INPPL1: variants seen among roughly 807,000 people sequenced by gnomAD.
INPPL1 encodes phosphatidylinositol 3,4,5-trisphosphate 5-phosphatase 2.
A neutral mutation model predicts 139.3 loss-of-function variants in INPPL1; 91 were observed. The ratio of observed to expected loss-of-function variants is 0.65; its 90% CI spans 0.55 to 0.78. The LOEUF is 0.78. INPPL1 is among the 30% of genes least tolerant of loss of function. The pLI, the probability that INPPL1 is intolerant of heterozygous loss-of-function variation, is 0.00. For missense variants in INPPL1, 1,411 were observed against 1,665.6 expected (o/e 0.85, Z 2.66); for synonymous variants, 719 against 686.6 (o/e 1.05, Z -0.74).
chr11:72,229,347 T>G, intron 5 of INPPL1, 117 bp downstream of exon 5: 1 of 1,412,216 alleles, frequency 7.1e-7, no homozygotes, highest in Admixed American at 1.8e-5. Context: ...AGCCATTGCC[T>G]CTTGACTTTC....
At chr11:72,224,251 C>G (rs550124250), upstream of INPPL1, among the ~76,000 whole-genome samples, 1 of 147,640 alleles carries the variant, frequency 6.8e-6, no homozygotes, top group Admixed American at 6.8e-5. Context: ...GGACGGTTCC[C>G]GTGGAGTTGG....
Position 72,233,431 on chromosome 11 carries a change from C to G in INPPL1, c.2041-10C>G, listed in dbSNP as rs1304186675. The G allele has an allele frequency of 6.2e-7, 1 of 1,613,592 alleles. No individual in the cohort carries two copies. The highest frequency in any genetic ancestry group is 8.5e-7 in the Non-Finnish European group (1 of 1,179,588). Reference sequence around the variant, plus strand: ...GTCAGCTCTAACCATGCTGCCATCCCCTGCCCCAGGTCCGGACCAATGTGC... The same window carrying G: ...GTCAGCTCTAACCATGCTGCCATCCGCTGCCCCAGGTCCGGACCAATGTGC... On this transcript the variant is annotated splice_polypyrimidine_tract_variant and intron_variant, in intron 17 of 27. Coordinates refer to ENST00000298229, the MANE Select transcript of INPPL1 (RefSeq NM_001567.4).
rs749994128 is a variant in INPPL1, at chr11:72,232,711, A to T, written c.1798A>T (p.Thr600Ser). Residue 600 changes from threonine to serine, a missense_variant, in exon 15 of 28, where the codon ACA becomes TCA. By Grantham distance (58) the Thr-to-Ser change is moderately conservative. Around this residue, in one of 5 missense-constraint regions of INPPL1, gnomAD observed 363 missense variants for 446.2 expected, o/e 0.81. Coordinates refer to ENST00000298229, the MANE Select transcript of INPPL1 (RefSeq NM_001567.4). ...LNAFDISLRF[T>S]HLFWFGDLNY... ...TGCCTTTGACATCTCTCTGCGTTTCACACACCTCTTCTGGTTTGGGGACCT... is the reference window on the plus strand; with the variant it reads ...TGCCTTTGACATCTCTCTGCGTTTCTCACACCTCTTCTGGTTTGGGGACCT... 6.2e-7 allele frequency: 1 copy of T among 1,613,288 alleles called. No homozygotes were observed. Among genetic ancestry groups the T allele is most frequent in the South Asian group, 1.1e-5 (1 of 91,020 alleles).
At position 72,228,412 on chromosome 11, in the gene INPPL1, A is replaced by AG; in HGVS notation, c.312dup (p.Pro105AlafsTer16). The stretch of plus-strand genomic sequence containing the variant: ...GGTGAGCTCATCGGCCTGTACGCCC[A>AG]GCCCAACCAGGGCCTTGTGTGCGCC... On this transcript the variant is annotated frameshift_variant, in exon 3 of 28. Transcript: ENST00000298229. LOFTEE classifies it high-confidence loss of function. This position sits in a 1 kb window ranked among gnomAD's most constrained non-coding sequence, Gnocchi z 5.0. 6.2e-7 allele frequency: 1 copy of AG among 1,613,056 alleles called. No individual in the cohort carries two copies. Among genetic ancestry groups the AG allele is most frequent in the Non-Finnish European group, 8.5e-7 (1 of 1,179,998 alleles).
At position 72,229,562 on chromosome 11, in the gene INPPL1, G is replaced by T. The variant is rs1217588440; in HGVS notation, c.753+4G>T. On this transcript the variant is annotated splice_donor_region_variant and intron_variant, in intron 6 of 27. Transcript: ENST00000298229. ...GACCCGCCTTTTGCAGCAGCAGGTAGATTGTAGGGAGACCTCTGGGAGGTG... is the reference window on the plus strand; with the variant it reads ...GACCCGCCTTTTGCAGCAGCAGGTATATTGTAGGGAGACCTCTGGGAGGTG... 1 of 1,613,952 alleles carries T rather than the reference G, an allele frequency of 6.2e-7. No individual in the cohort carries two copies. Among genetic ancestry groups the T allele is most frequent in the South Asian group, 1.1e-5 (1 of 91,088 alleles).
rs776060466 is a variant in INPPL1, at chr11:72,230,300, G to A, written c.1090+29G>A. On this transcript the variant is annotated intron_variant, in intron 9 of 27. Transcript: ENST00000298229. ...AGCCAGGGCCAGACCTGGGAGGGGT[G>A]GGCAGGGCGGAGCCCCTGGCCTAGG... 5 of 1,610,884 alleles carry A rather than the reference G, an allele frequency of 3.1e-6. No individual in the cohort carries two copies. The South Asian group carries it at 5.5e-5, about 18-fold the overall frequency.
chr11:72,233,745 G>T lies in INPPL1; in HGVS notation c.2212+1G>T. 6.2e-7 allele frequency: 1 copy of T among 1,613,362 alleles called. No individual in the cohort carries two copies. On this transcript the variant is annotated splice_donor_variant, in intron 19 of 27. Transcript: ENST00000298229. LOFTEE classifies it high-confidence loss of function. ...ACCTCCCAGTTCATCTCCAAGAAAGGTGACTGTTCCAGATATGCTTGTGGG... is the reference window on the plus strand; with the variant it reads ...ACCTCCCAGTTCATCTCCAAGAAAGTTGACTGTTCCAGATATGCTTGTGGG...
chr11:72,237,942 A>G, intron 26 of INPPL1, 100 bp from the exon 27 acceptor site: 4 of 1,454,252 alleles, frequency 2.8e-6, no homozygotes, highest in Non-Finnish European at 3.6e-6. Flanking sequence ...GTATCAGCCC[A>G]GCCCTTCCCT....
chr11:72,224,123 G>C (rs755870087), upstream of INPPL1, among the ~76,000 whole-genome samples: 5 of 152,114 alleles, frequency 3.3e-5, no homozygotes, highest in Non-Finnish European at 7.4e-5. Context: ...GGCTCTGCGG[G>C]GCTGGGAGGG....
chr11:72,238,218 G>A lies in INPPL1; in HGVS notation c.3686+43G>A, dbSNP rs377669300. On this transcript the variant is annotated intron_variant, in intron 27 of 27. Transcript: ENST00000298229. The stretch of plus-strand genomic sequence containing the variant: ...CCCGGGGGCGGAGCTGGGGCCCTCA[G>A]GATCCCCTTGCCCATCTCACTTCCC... 1.9e-5 allele frequency: 31 copies of A among 1,613,430 alleles called. No individual in the cohort carries two copies. The African/African-American group carries it at 3.9e-4, about 20-fold the overall frequency.
At chr11:72,233,258 C>G in intron 17 of INPPL1, 95 bp downstream of exon 17, 4 of 1,181,620 alleles carry the variant, frequency 3.4e-6, no homozygotes, top group Non-Finnish European at 4.9e-6. Context: ...AGCTTCCACT[C>G]CAGCCTCCAT....
chr11:72,228,706 C>G lies in INPPL1; in HGVS notation c.398-21C>G. The G allele has an allele frequency of 6.2e-7, 1 of 1,605,020 alleles. No individual in the cohort carries two copies. Among genetic ancestry groups the G allele is most frequent in the Non-Finnish European group, 8.5e-7 (1 of 1,175,462 alleles). ...TGAGTGTGGGAGGCCCAAACGGCTG[C>G]CCACTGACCCCTGCCCACAGATGGG... On this transcript the variant is annotated intron_variant, in intron 3 of 27. Transcript: ENST00000298229. The surrounding 1 kb of genome is among the most constrained non-coding windows in gnomAD (Gnocchi z 5.0).
chr11:72,238,011 C>G (rs778264603), intron 26 of INPPL1, 31 bp from the exon 27 acceptor site: 28 of 1,516,246 alleles, frequency 1.8e-5, no homozygotes, highest in Non-Finnish European at 2.4e-5. Context: ...GGGGGGCACT[C>G]AGCTCCCCCT....
rs1591282638 is a variant in INPPL1 at position 72,234,404 on chromosome 11, G to A, written c.2326+10G>A. ...TCTACCTGCCTGGAGGGTCAGAGGC[G>A]TGGCAGGGGCTGGGTGTGGGCCAAG... On this transcript the variant is annotated intron_variant, in intron 20 of 27. Transcript: ENST00000298229. The surrounding 1 kb of genome is among the most constrained non-coding windows in gnomAD (Gnocchi z 4.2). 10 of 1,611,346 alleles carry A rather than the reference G, an allele frequency of 6.2e-6. No individual in the cohort carries two copies. The highest frequency in any genetic ancestry group is 1.1e-5 in the South Asian group (1 of 91,036).
intron 1 of INPPL1, among the ~76,000 whole-genome samples, chr11:72,227,351 C>G (rs753740269): frequency 6.6e-6 from 1 of 152,138 alleles, no homozygotes; most frequent in African/African-American, 2.4e-5. Context: ...GGGTACCCAG[C>G]GTGTCACAGA....
Position 72,230,106 on chromosome 11 carries a change from C to G in INPPL1, c.940-15C>G, listed in dbSNP as rs1373599876. ...CTCCAAGGTCTTGTCAGCAGCCTCC[C>G]CACCTGGCCTACAGGTGAAGCTAGA... On this transcript the variant is annotated splice_polypyrimidine_tract_variant and intron_variant, in intron 8 of 27. Transcript: ENST00000298229. The G allele has an allele frequency of 2.5e-6, 4 of 1,611,076 alleles. No homozygotes were observed. The highest frequency in any genetic ancestry group is 3.4e-6 in the Non-Finnish European group (4 of 1,177,664).
chr11:72,237,364 A>G lies in INPPL1; in HGVS notation c.3120A>G (p.Ser1040=), dbSNP rs1392981709. ...RHPRVGEGSS[S]DEESGGTLPP... ...CTCGTGTGGGAGAGGGGAGTTCTTC[A>G]GATGAGGAGTCTGGAGGCACACTGC... is the stretch of plus-strand genomic sequence containing the variant. Residue 1040 remains serine (S), a synonymous_variant, in exon 26 of 28, where the codon TCA becomes TCG. Coordinates refer to ENST00000298229, the MANE Select transcript of INPPL1 (RefSeq NM_001567.4). 1.9e-6 allele frequency: 3 copies of G among 1,613,884 alleles called. No homozygotes were observed. Among genetic ancestry groups the G allele is most frequent in the Non-Finnish European group, 2.5e-6 (3 of 1,180,000 alleles).
Position 72,228,557 on chromosome 11 carries a change from TC to T in INPPL1, c.397+62del, listed in dbSNP as rs1948741167. On this transcript the variant is annotated intron_variant, in intron 3 of 27. Transcript: ENST00000298229. This position sits in a 1 kb window ranked among gnomAD's most constrained non-coding sequence, Gnocchi z 5.0. ...CTGTCCCTTGGCTCTACCTGCCTCT[TC>T]CCATCCCCCCTTCTCAACCCCACCT... The T allele has an allele frequency of 6.3e-7, 1 of 1,584,706 alleles. No individual in the cohort carries two copies. Among genetic ancestry groups the T allele is most frequent in the Non-Finnish European group, 8.6e-7 (1 of 1,167,946 alleles).
At position 72,232,955 on chromosome 11, in the gene INPPL1, C is replaced by T. The variant is rs758251413; in HGVS notation, c.1932C>T (p.His644=). The T allele has an allele frequency of 1.8e-5, 29 of 1,613,994 alleles. No individual in the cohort carries two copies. Among genetic ancestry groups the T allele is most frequent in the Non-Finnish European group, 2.3e-5 (27 of 1,180,010 alleles). ...VDQLNLEREK[H]KVFLRFSEEE... ...AGCTCAACCTGGAGCGGGAGAAGCA[C>T]AAGGTCTTCCTTCGATTCAGTGAGT... The change falls in exon 16 of 28, where the codon CAC becomes CAT. Residue 644 remains histidine, a synonymous_variant. Transcript: ENST00000298229.
Sources: gnomAD v4.1 joint callset for allele counts (sites outside exome capture counted in the v4.1 genomes callset) on GRCh38, gnomAD v4.1.1 for gene constraint, gnomAD v4.1.1 regional missense constraint, Gnocchi (gnomAD v3.1) non-coding constraint, MANE v1.5 for transcripts, NCBI Gene and HGNC (gene_info 2026-07-23, HGNC 2026-07-21) for gene names.